Variants in GPR158 observed in about 807,000 individuals in gnomAD.
The protein encoded by GPR158 is G protein-coupled receptor 158.
A neutral mutation model predicts 78.2 loss-of-function variants in GPR158; 30 were observed. The ratio of observed to expected loss-of-function variants is 0.38; its 90% confidence interval spans 0.29 to 0.52. GPR158 has a LOEUF of 0.52. Among genes scored for constraint, GPR158 ranks in the 20% least tolerant of loss-of-function variants. The probability of loss-of-function intolerance (pLI) is 0.83; values close to 1 mark genes in which losing one functional copy is unlikely to be tolerated. For synonymous variants in GPR158, 581 were observed against 591.1 expected, an observed-to-expected ratio of 0.98 and a Z score of 0.25; for missense variants, 1,463 against 1,523.5, an observed-to-expected ratio of 0.96 and a Z score of 0.66.
At chr10:25,395,557 A>T (rs994556963) in intron 2 of GPR158, among the ~76,000 whole-genome samples, 5 of 152,156 alleles carry the variant, frequency 3.3e-5, no homozygotes, top group African/African-American at 1.2e-4. Context: ...TTCAGTATGG[A>T]ATCACTTTTG....
At chr10:25,502,782 T>A (rs1055939308) in intron 5 of GPR158, among the ~76,000 whole-genome samples, 1 of 152,108 alleles carries the variant, frequency 6.6e-6, no homozygotes, top group Non-Finnish European at 1.5e-5. Context: ...CTTTCACATA[T>A]AAAGGTGCTG....
At chr10:25,533,408 A>G (rs1319574296) in intron 5 of GPR158, among the ~76,000 whole-genome samples, 1 of 152,174 alleles carries the variant, frequency 6.6e-6, no homozygotes, top group African/African-American at 2.4e-5. Context: ...ATTTTAAACC[A>G]TTATAGTTGG....
chr10:25,300,235 C>T (rs947571547), intron 2 of GPR158, among the ~76,000 whole-genome samples: 2 of 152,170 alleles, frequency 1.3e-5, no homozygotes, highest in South Asian at 2.1e-4. Context: ...AGAATGTTTC[C>T]CCTGTCTTTC....
chr10:25,366,349 CT>C (rs978037310), intron 2 of GPR158, among the ~76,000 whole-genome samples: 17 of 142,928 alleles, frequency 1.2e-4, no homozygotes, highest in African/African-American at 3.8e-4. Flanking sequence ...TTCACCAGCT[CT>C]TTGTGAGGTT....
intron 2 of GPR158, among the ~76,000 whole-genome samples, chr10:25,228,083 G>A (rs1853398759): frequency 2.0e-5 from 3 of 151,898 alleles, no homozygotes; most frequent in Admixed American, 2.0e-4. Flanking sequence ...TTTAAGCCTG[G>A]GGAACATAGC....
chr10:25,422,642 T>A (rs889750397), intron 4 of GPR158, among the ~76,000 whole-genome samples: 28 of 94,828 alleles, frequency 3.0e-4, no homozygotes, highest in South Asian at 6.9e-4. Flanking sequence ...AAAAAAAAAA[T>A]GTGACATATA....
intron 2 of GPR158, among the ~76,000 whole-genome samples, chr10:25,302,349 G>T (rs774649434): frequency 6.6e-6 from 1 of 151,740 alleles, no homozygotes; most frequent in Admixed American, 6.6e-5. Context: ...TTCCCAAAGC[G>T]CTGGGATTAC....
At chr10:25,336,165 G>A (rs941656131) in intron 2 of GPR158, among the ~76,000 whole-genome samples, 10 of 151,932 alleles carry the variant, frequency 6.6e-5, no homozygotes, top group Non-Finnish European at 1.2e-4. Flanking sequence ...TTTATAAAGC[G>A]AATCCTTGTA....
intron 2 of GPR158, among the ~76,000 whole-genome samples, chr10:25,390,292 A>G (rs113657533): frequency 0.027 from 4,044 of 152,284 alleles, 164 homozygotes; most frequent in African/African-American, 0.084. Context: ...TAGAGGTTGG[A>G]ACAGTTTGGA....
At chr10:25,269,668 A>G (rs752380351) in intron 2 of GPR158, among the ~76,000 whole-genome samples, 2 of 152,198 alleles carry the variant, frequency 1.3e-5, no homozygotes, top group Admixed American at 6.5e-5. Context: ...TAAACTTTAT[A>G]TGAGTTAAAC....
rs146342502 is a variant in GPR158, at chr10:25,500,395, C to T, written c.1404+33676C>T. On this transcript the variant is annotated intron_variant, in intron 5 of 10. Coordinates refer to ENST00000376351, the MANE Select transcript of GPR158 (RefSeq NM_020752.3). ...AGAATGATACTTGCTTTTAAATTGA[C>T]GGTCTACTTGGATTTTTTCAAAATT... Among the ~76,000 whole-genome samples the T allele has an allele frequency of 2.5e-3, 379 of 152,302 alleles. 4 individuals are homozygous for T. Among genetic ancestry groups the T allele is most frequent in the African/African-American group, 8.7e-3 (362 of 41,566 alleles).
chr10:25,563,396 C>A (rs962509755), intron 6 of GPR158, among the ~76,000 whole-genome samples: 1 of 152,132 alleles, frequency 6.6e-6, no homozygotes, highest in East Asian at 1.9e-4. Flanking sequence ...TTTAAAAAAT[C>A]TCTTCTACCA....
rs538016878 is a variant in GPR158 at position 25,294,364 on chromosome 10, T to C, written c.1008+73207T>C. Among the ~76,000 whole-genome samples the C allele has an allele frequency of 5.1e-4, 77 of 152,324 alleles. 1 individual carries two copies. The highest frequency in any genetic ancestry group is 1.9e-3 in the African/African-American group (77 of 41,580). On this transcript the variant is annotated intron_variant, in intron 2 of 10. Coordinates refer to ENST00000376351, the MANE Select transcript of GPR158 (RefSeq NM_020752.3). The stretch of plus-strand genomic sequence containing the variant: ...GTGTCTTAATTTTAATACTTTATTG[T>C]AATTAAAAATAAAAGGAGTAGAAAT...
Position 25,320,786 on chromosome 10 carries a change from G to T in GPR158, c.1009-75125G>T, listed in dbSNP as rs199592005. 5.3e-5 allele frequency among the ~76,000 whole-genome samples: 8 copies of T among 152,260 alleles called. No homozygotes were observed. In the East Asian group the frequency reaches 1.5e-3, roughly 29 times the overall value. On this transcript the variant is annotated intron_variant, in intron 2 of 10. Coordinates refer to ENST00000376351, the MANE Select transcript of GPR158 (RefSeq NM_020752.3). Reference sequence around the variant, plus strand: ...TTAAAATATCATTCTGAAAAATAATGCTGTCACCCTAGCAGGAGTTTTTAT... The same window carrying T: ...TTAAAATATCATTCTGAAAAATAATTCTGTCACCCTAGCAGGAGTTTTTAT...
At chr10:25,241,372 C>CTCTTTTCTTTTCTCTTTTCTCTCTTCTCT (rs1554787300) in intron 2 of GPR158, among the ~76,000 whole-genome samples, 1 of 102,950 alleles carries the variant, frequency 9.7e-6, no homozygotes, top group African/African-American at 5.5e-5. Flanking sequence ...CTTTTCTTTT[C>CTCTTTTCTTTTCTCTTTTCTCTCTTCTCT]TCTCTTCTCT....
chr10:25,241,311 T>TCTC (rs1853617828), intron 2 of GPR158, among the ~76,000 whole-genome samples: 9 of 104,586 alleles, frequency 8.6e-5, no homozygotes, highest in African/African-American at 3.5e-4. Context: ...TTTCTTTTCT[T>TCTC]TTCTCTTCTC....
intron 4 of GPR158, among the ~76,000 whole-genome samples, chr10:25,418,975 G>A (rs1286793808): frequency 6.6e-6 from 1 of 151,692 alleles, no homozygotes; most frequent in Non-Finnish European, 1.5e-5. Flanking sequence ...TTTTAATATA[G>A]TATGTGAAGT....
chr10:25,319,580 C>T (rs557799206), intron 2 of GPR158, among the ~76,000 whole-genome samples: 2 of 152,202 alleles, frequency 1.3e-5, no homozygotes, highest in South Asian at 2.1e-4. Flanking sequence ...CTATAACATA[C>T]TTTTCTAGTT....
intron 1 of GPR158, among the ~76,000 whole-genome samples, chr10:25,186,749 A>G (rs1295712513): frequency 2.6e-5 from 4 of 152,162 alleles, no homozygotes; most frequent in Non-Finnish European, 5.9e-5. Context: ...TCAACCAAAA[A>G]AAGTCCAGGA....
Sources: gnomAD v4.1 joint callset for allele counts (sites outside exome capture counted in the v4.1 genomes callset) on GRCh38, gnomAD v4.1.1 for gene constraint, MANE v1.5 for transcripts, NCBI Gene and HGNC (gene_info 2026-07-23, HGNC 2026-07-21) for gene names.